The following MACROD2 variants were observed in gnomAD, a reference collection of about 807,000 sequenced individuals.
MACROD2 encodes mono-ADP ribosylhydrolase 2.
Under a neutral mutation model 70.4 loss-of-function variants are expected in MACROD2, and 36 were observed. The observed-to-expected ratio is 0.51, with a 90% confidence interval of 0.39 to 0.68. The LOEUF (loss-of-function observed/expected upper bound fraction) is 0.68, where lower values mean the gene tolerates loss of function less well. MACROD2 is among the 30% of genes least tolerant of loss of function. The probability of loss-of-function intolerance (pLI) is 0.00; values close to 1 mark genes in which losing one functional copy is unlikely to be tolerated. For synonymous variants in MACROD2, 172 were observed against 178.8 expected, an observed-to-expected ratio of 0.96 and a Z score of 0.30; for missense variants, 496 against 538.4, an observed-to-expected ratio of 0.92 and a Z score of 0.78.
intron 3 of MACROD2, among the ~76,000 whole-genome samples, chr20:14,369,304 A>T (rs541109320): frequency 1.3e-5 from 2 of 152,142 alleles, no homozygotes; most frequent in East Asian, 1.9e-4. Context: ...GTTTTTTGCG[A>T]GTAAGATTGT....
chr20:14,733,140 A>T (rs955391179), intron 5 of MACROD2, among the ~76,000 whole-genome samples: 1 of 152,136 alleles, frequency 6.6e-6, no homozygotes, highest in Non-Finnish European at 1.5e-5. Context: ...TGTTTAACAC[A>T]CTGCTTTAAA....
At chr20:15,186,684 T>G (rs2076536768) in intron 5 of MACROD2, among the ~76,000 whole-genome samples, 1 of 152,186 alleles carries the variant, frequency 6.6e-6, no homozygotes, top group African/African-American at 2.4e-5. Flanking sequence ...AAATTTTTAT[T>G]GTTCACTAAC....
At chr20:14,462,853 G>A (rs886393230) in intron 3 of MACROD2, among the ~76,000 whole-genome samples, 2 of 151,774 alleles carry the variant, frequency 1.3e-5, no homozygotes, top group Admixed American at 1.3e-4. Context: ...GTAGATATGC[G>A]GCATTATTTC....
intron 5 of MACROD2, among the ~76,000 whole-genome samples, chr20:15,015,405 T>C (rs1488137359): frequency 1.3e-5 from 2 of 152,072 alleles, no homozygotes; most frequent in African/African-American, 4.8e-5. Context: ...AACTGTACTG[T>C]GACTTTTGAG....
chr20:15,797,659 C>T (rs189563215), intron 8 of MACROD2, among the ~76,000 whole-genome samples: 150 of 152,322 alleles, frequency 9.8e-4, no homozygotes, highest in African/African-American at 3.6e-3. Context: ...AAAGAATTAT[C>T]CTGAGTAGAC....
At chr20:15,621,323 A>G (rs183570489) in intron 8 of MACROD2, among the ~76,000 whole-genome samples, 1 of 152,284 alleles carries the variant, frequency 6.6e-6, no homozygotes, top group East Asian at 1.9e-4. Context: ...TAAGATTCCT[A>G]AGTTCCTAAC....
intron 3 of MACROD2, among the ~76,000 whole-genome samples, chr20:14,416,344 T>C (rs1171278992): frequency 1.3e-5 from 2 of 152,208 alleles, no homozygotes; most frequent in Non-Finnish European, 2.9e-5. Context: ...CTGCTGTTTT[T>C]TCCCCCCAGT....
intron 5 of MACROD2, among the ~76,000 whole-genome samples, chr20:14,765,169 T>C (rs1305928367): frequency 6.6e-6 from 1 of 152,072 alleles, no homozygotes; most frequent in East Asian, 1.9e-4. Context: ...CATTAGAAAA[T>C]GTGATTCAAT....
chr20:15,414,875 C>A (rs188761842), intron 6 of MACROD2, among the ~76,000 whole-genome samples: 1 of 152,214 alleles, frequency 6.6e-6, no homozygotes, highest in Non-Finnish European at 1.5e-5. Context: ...AACATAATTT[C>A]AGCCTGCCCC....
intron 8 of MACROD2, among the ~76,000 whole-genome samples, chr20:15,544,511 G>A (rs2048001294): frequency 6.6e-6 from 1 of 152,220 alleles, no homozygotes; most frequent in Non-Finnish European, 1.5e-5. Context: ...AGCCAATCAT[G>A]ATTAGATTTC....
rs139220373 is a variant in MACROD2, at chr20:16,049,920, C to T, written c.*44C>T. 1,850 of 1,058,172 alleles carry T rather than the reference C, an allele frequency of 1.7e-3. 10 individuals are homozygous for T. The African/African-American group carries it at 0.031, about 17-fold the overall frequency. 65.5% of individuals were successfully genotyped at this position (1,058,172 alleles called of 1,614,324 possible). On this transcript the variant is annotated 3_prime_UTR_variant, in exon 18 of 18. Coordinates refer to ENST00000684519, the MANE Select transcript of MACROD2 (RefSeq NM_001351661.2). ...GGCCTCTCCTGGCTCTGGGGGAGCT[C>T]GGGAAGATAGCAGCACACGCTGTGG...
At chr20:14,663,653 A>G (rs1019626499) in intron 4 of MACROD2, among the ~76,000 whole-genome samples, 3 of 151,936 alleles carry the variant, frequency 2.0e-5, no homozygotes, top group Non-Finnish European at 4.4e-5. Flanking sequence ...TGAAGGAGAT[A>G]TGGAGATATA....
chr20:15,982,813 C>G (rs1245018258), intron 13 of MACROD2, among the ~76,000 whole-genome samples: 1 of 152,196 alleles, frequency 6.6e-6, no homozygotes, highest in African/African-American at 2.4e-5. Flanking sequence ...CACAGCATGG[C>G]AGGACTTTAT....
At chr20:15,406,509 G>A (rs945749168) in intron 6 of MACROD2, among the ~76,000 whole-genome samples, 5 of 152,196 alleles carry the variant, frequency 3.3e-5, no homozygotes, top group East Asian at 1.9e-4. Context: ...GTCTTTTACC[G>A]AAGAAATGTT....
At chr20:15,492,849 A>G (rs2047249419) in intron 7 of MACROD2, among the ~76,000 whole-genome samples, 1 of 152,150 alleles carries the variant, frequency 6.6e-6, no homozygotes, top group Admixed American at 6.6e-5. Context: ...AGGGAGTTTG[A>G]TTTTTTTAAA....
chr20:14,220,895 G>C (rs1379224466), intron 3 of MACROD2, among the ~76,000 whole-genome samples: 1 of 152,186 alleles, frequency 6.6e-6, no homozygotes, highest in Non-Finnish European at 1.5e-5. Context: ...TCCTGCAGGA[G>C]CAGTCTGCTT....
Position 15,549,233 on chromosome 20 carries a change from C to T in MACROD2, c.645+49386C>T, listed in dbSNP as rs79424511. Among the ~76,000 whole-genome samples the T allele has an allele frequency of 5.0e-3, 763 of 152,328 alleles. 2 individuals are homozygous for T. Among genetic ancestry groups the T allele is most frequent in the Non-Finnish European group, 8.5e-3 (578 of 68,016 alleles). Reference sequence around the variant, plus strand: ...TACCATTTTGTTTTATAGAAATGGGCTAATTCTTCTTCTAGTTTTCACCTT... The same window carrying T: ...TACCATTTTGTTTTATAGAAATGGGTTAATTCTTCTTCTAGTTTTCACCTT... On this transcript the variant is annotated intron_variant, in intron 8 of 17. Coordinates refer to ENST00000684519, the MANE Select transcript of MACROD2 (RefSeq NM_001351661.2).
At chr20:15,354,033 A>C (rs79362397) in intron 6 of MACROD2, among the ~76,000 whole-genome samples, 23,254 of 145,448 alleles carry the variant, frequency 0.16, 2,078 homozygotes, top group East Asian at 0.44. Flanking sequence ...ACATGCTGCT[A>C]TAAAGACACA....
chr20:14,366,948 T>A (rs1600166536), intron 3 of MACROD2, among the ~76,000 whole-genome samples: 1 of 151,994 alleles, frequency 6.6e-6, no homozygotes, highest in African/African-American at 2.4e-5. Flanking sequence ...CTATTTGTTT[T>A]CTGTATGTCT....
Sources: gnomAD v4.1 joint callset for allele counts (sites outside exome capture counted in the v4.1 genomes callset) on GRCh38, gnomAD v4.1.1 for gene constraint, MANE v1.5 for transcripts, NCBI Gene and HGNC (gene_info 2026-07-23, HGNC 2026-07-21) for gene names.